The following GALNT13 variants were observed in gnomAD, a reference collection of about 807,000 sequenced individuals.
GALNT13 encodes the protein polypeptide N-acetylgalactosaminyltransferase 13, also known as UDP-GalNAc:polypeptide N-acetylgalactosaminyltransferase 13.
GALNT13 carries 28 observed loss-of-function variants against 64.2 expected under a neutral mutation model. The ratio of observed to expected loss-of-function variants is 0.44; its 90% CI spans 0.32 to 0.60. The LOEUF (loss-of-function observed/expected upper bound fraction) is 0.60, where lower values mean the gene tolerates loss of function less well. Among genes scored for constraint, GALNT13 ranks in the 20% least tolerant of loss-of-function variants. The pLI is 0.05. For synonymous variants in GALNT13, 214 were observed against 224.6 expected, an observed-to-expected ratio of 0.95 and a Z score of 0.42; for missense variants, 577 against 669.8, an observed-to-expected ratio of 0.86 and a Z score of 1.53.
the GALNT13 span, among the ~76,000 whole-genome samples, chr2:153,327,594 T>G: frequency 6.6e-6 from 1 of 151,814 alleles, no homozygotes; most frequent in East Asian, 2.0e-4. Context: ...TGGCTATTGA[T>G]ACTTGTGTAT....
At chr2:154,020,152 A>G (rs565155183) in intron 3 of GALNT13, among the ~76,000 whole-genome samples, 2 of 152,306 alleles carry the variant, frequency 1.3e-5, no homozygotes, top group East Asian at 1.9e-4. Context: ...TAGTGCCGCA[A>G]TAAACATATG....
chr2:154,282,852 T>A (rs1302809607), intron 8 of GALNT13, among the ~76,000 whole-genome samples: 11 of 152,274 alleles, frequency 7.2e-5, no homozygotes, highest in South Asian at 2.1e-4. Context: ...TACCTCAGAC[T>A]TCAACTCTAG....
intron 9 of GALNT13, among the ~76,000 whole-genome samples, chr2:154,303,473 C>G (rs1236799602): frequency 6.6e-6 from 1 of 152,056 alleles, no homozygotes; most frequent in Non-Finnish European, 1.5e-5. Context: ...CTGTTTGGAA[C>G]ATGATTGGCC....
chr2:153,547,706 A>G, the GALNT13 span, among the ~76,000 whole-genome samples: 1 of 152,156 alleles, frequency 6.6e-6, no homozygotes, highest in Admixed American at 6.6e-5. Flanking sequence ...TATAGAGTAG[A>G]TCTTGTTTTC....
chr2:153,768,272 T>C, the GALNT13 span, among the ~76,000 whole-genome samples: 2 of 152,330 alleles, frequency 1.3e-5, no homozygotes, highest in South Asian at 2.1e-4. Context: ...TCTGTGGTCA[T>C]TGGATGCAAT....
chr2:153,215,258 G>A, the GALNT13 span, among the ~76,000 whole-genome samples: 1 of 152,026 alleles, frequency 6.6e-6, no homozygotes, highest in Non-Finnish European at 1.5e-5. Context: ...AGTAGTCACT[G>A]TAATTAGTTT....
At chr2:153,796,344 C>T in the GALNT13 span, among the ~76,000 whole-genome samples, 344 of 152,156 alleles carry the variant, frequency 2.3e-3, 3 homozygotes, top group African/African-American at 8.0e-3. Context: ...ACAAAACATG[C>T]GAAAGGTGAC....
intron 4 of GALNT13, among the ~76,000 whole-genome samples, chr2:154,174,461 A>C (rs535808725): frequency 6.6e-6 from 1 of 152,152 alleles, no homozygotes; most frequent in Admixed American, 6.5e-5. Flanking sequence ...GATAAATCTG[A>C]GGATTTTTTA....
At chr2:153,314,417 G>A in the GALNT13 span, among the ~76,000 whole-genome samples, 1 of 152,092 alleles carries the variant, frequency 6.6e-6, no homozygotes, top group African/African-American at 2.4e-5. Context: ...TTTGAACAAT[G>A]CTATAAAGAA....
At chr2:153,812,629 C>A in the GALNT13 span, among the ~76,000 whole-genome samples, 1 of 152,174 alleles carries the variant, frequency 6.6e-6, no homozygotes, top group South Asian at 2.1e-4. Context: ...GCTTATTTAG[C>A]TGTGGCCATT....
At chr2:153,432,025 G>T in the GALNT13 span, among the ~76,000 whole-genome samples, 3 of 151,964 alleles carry the variant, frequency 2.0e-5, no homozygotes, top group Non-Finnish European at 2.9e-5. Context: ...TTTTCTTCTT[G>T]TATAACATCT....
chr2:154,043,798 A>G (rs1264944518), intron 3 of GALNT13, among the ~76,000 whole-genome samples: 1 of 152,134 alleles, frequency 6.6e-6, no homozygotes, highest in Non-Finnish European at 1.5e-5. Context: ...ATAAAAGGAA[A>G]TAGCTGAGTA....
chr2:153,875,419 G>A (rs555330993), intron 1 of GALNT13, among the ~76,000 whole-genome samples: 130 of 152,252 alleles, frequency 8.5e-4, no homozygotes, highest in Non-Finnish European at 1.6e-3. Context: ...TATTGTTTGA[G>A]AGACCTTCTA....
chr2:153,864,032 T>C, the GALNT13 span, among the ~76,000 whole-genome samples: 1 of 152,214 alleles, frequency 6.6e-6, no homozygotes, highest in South Asian at 2.1e-4. Context: ...CTTTTCCACA[T>C]TGTCCTGATT....
the GALNT13 span, among the ~76,000 whole-genome samples, chr2:153,317,098 A>G: frequency 6.6e-6 from 1 of 152,224 alleles, no homozygotes; most frequent in East Asian, 1.9e-4. Flanking sequence ...AACCAGAGGC[A>G]AAGTTAAAAA....
At chr2:153,252,807 C>T in the GALNT13 span, among the ~76,000 whole-genome samples, 2 of 152,162 alleles carry the variant, frequency 1.3e-5, no homozygotes, top group African/African-American at 4.8e-5. Context: ...TTTCTGAGGG[C>T]TCTGTTCTGT....
chr2:153,928,497 A>G (rs1168190886), intron 2 of GALNT13, among the ~76,000 whole-genome samples: 2 of 152,118 alleles, frequency 1.3e-5, no homozygotes, highest in African/African-American at 2.4e-5. Context: ...TTTTATATCT[A>G]CTTGAACATT....
chr2:153,737,321 C>G, the GALNT13 span, among the ~76,000 whole-genome samples: 2 of 151,938 alleles, frequency 1.3e-5, no homozygotes, highest in Non-Finnish European at 2.9e-5. Context: ...TTTCTCTACT[C>G]TTATTACCTT....
intron 3 of GALNT13, among the ~76,000 whole-genome samples, chr2:154,043,891 A>C (rs1357944096): frequency 6.6e-6 from 1 of 151,908 alleles, no homozygotes; most frequent in Non-Finnish European, 1.5e-5. Context: ...CGGGGGCAAA[A>C]CCCAGTCTCT....
Sources: allele counts gnomAD v4.1 joint callset (sites outside exome capture counted in the v4.1 genomes callset), GRCh38; gene constraint gnomAD v4.1.1; transcripts MANE v1.5; gene names NCBI Gene and HGNC (gene_info 2026-07-23, HGNC 2026-07-21).